The following MYOM1 variants were observed in gnomAD, a reference collection of about 807,000 sequenced individuals.
The protein encoded by MYOM1 is myomesin-1.
MYOM1 carries 164 observed loss-of-function variants against 205.3 expected under a neutral mutation model. The observed-to-expected ratio is 0.80, with a 90% CI of 0.70 to 0.91. The LOEUF (loss-of-function observed/expected upper bound fraction) is 0.91, where lower values mean the gene tolerates loss of function less well. Among genes scored for constraint, MYOM1 ranks in the 40% least tolerant of loss-of-function variants. The pLI, the probability that MYOM1 is intolerant of heterozygous loss-of-function variation, is 0.00. For synonymous variants in MYOM1, 772 were observed against 789.4 expected, an observed-to-expected ratio of 0.98 and a Z score of 0.37; for missense variants, 2,011 against 2,127.3, an observed-to-expected ratio of 0.95 and a Z score of 1.08.
chr18:3,227,124 A>G, the MYOM1 span, among the ~76,000 whole-genome samples: 1 of 152,120 alleles, frequency 6.6e-6, no homozygotes, highest in African/African-American at 2.4e-5. Flanking sequence ...CTATTCATAA[A>G]TAGATATCTG....
chr18:3,083,975 A>G lies in MYOM1; in HGVS notation c.4378+14T>C. On this transcript the variant is annotated intron_variant, in intron 32 of 37. Transcript: ENST00000356443. ...ATCATAAAGCATTGTTGTGGTGCGA[A>G]ATGTTTGACTCACCTATTTTTTTGC... 6.3e-7 allele frequency: 1 copy of G among 1,588,068 alleles called. No individual in the cohort carries two copies. The highest frequency in any genetic ancestry group is 8.6e-7 in the Non-Finnish European group (1 of 1,165,622).
Position 3,193,885 on chromosome 18 carries a change from T to C in MYOM1, c.364A>G (p.Ser122Gly). ...TCTTTCTCTTCTCCAGACAGTAGGC[T>C]GTGCTTGGCTCTCTTTGGTTTGGGG... ...LSPKPKRAKHSLLSGEEKENL... is the reference protein window; with the variant it reads ...LSPKPKRAKHGLLSGEEKENL... Residue 122 changes from serine (S) to glycine (G), a missense_variant, in exon 3 of 38, where the codon AGC (serine) becomes GGC (glycine). Physicochemically the swap from Ser to Gly is moderately conservative, Grantham distance 56. Coordinates refer to ENST00000356443, the MANE Select transcript of MYOM1 (RefSeq NM_003803.4). 2 of 1,613,978 alleles carry C rather than the reference T, an allele frequency of 1.2e-6. No individual in the cohort carries two copies. The highest frequency in any genetic ancestry group is 1.7e-6 in the Non-Finnish European group (2 of 1,179,854).
chr18:3,225,530 T>C, the MYOM1 span, among the ~76,000 whole-genome samples: 2 of 152,108 alleles, frequency 1.3e-5, no homozygotes, highest in Non-Finnish European at 2.9e-5. Flanking sequence ...CTGTTGAAGC[T>C]CCCAATACAG....
intron 37 of MYOM1, 55 bp downstream of exon 37, chr18:3,071,779 G>A: frequency 6.5e-7 from 1 of 1,537,336 alleles, no homozygotes; most frequent in South Asian, 1.2e-5. Context: ...AATCTGGGGT[G>A]CTGGAACCTG....
chr18:3,164,528 T>G (rs959503823), intron 9 of MYOM1, 89 bp from the exon 10 acceptor site: 2 of 1,247,446 alleles, frequency 1.6e-6, no homozygotes, highest in Non-Finnish European at 2.2e-6. Flanking sequence ...CTTAGCCTTT[T>G]CTATAATGAA....
chr18:3,207,898 A>G (rs1382750432), intron 2 of MYOM1, among the ~76,000 whole-genome samples: 1 of 152,188 alleles, frequency 6.6e-6, no homozygotes, highest in Admixed American at 6.5e-5. Flanking sequence ...TGCCATCTCA[A>G]CTTGATTTAG....
intron 20 of MYOM1, among the ~76,000 whole-genome samples, chr18:3,119,322 C>T (rs11081016): frequency 0.57 from 86,398 of 151,810 alleles, 24,707 homozygotes; most frequent in Middle Eastern, 0.7. Flanking sequence ...TAGACAGGTG[C>T]ACGAAATCCA....
Position 3,209,152 on chromosome 18 carries a change from A to G in MYOM1, c.290+5782T>C, listed in dbSNP as rs2081161876. ...GAGGGAATCTGGGAAAATGGGGAAC[A>G]AGTGAATGGTTTTACTATCATCATA... is the stretch of plus-strand genomic sequence containing the variant. On this transcript the variant is annotated intron_variant, in intron 2 of 37. Transcript: ENST00000356443. This position sits in a 1 kb window ranked among gnomAD's most constrained non-coding sequence, Gnocchi z 4.0. 6.6e-6 allele frequency among the ~76,000 whole-genome samples: 1 copy of G among 152,220 alleles called. No homozygotes were observed. The highest frequency in any genetic ancestry group is 6.5e-5 in the Admixed American group (1 of 15,276).
At chr18:3,160,983 C>T (rs1248867626) in intron 10 of MYOM1, among the ~76,000 whole-genome samples, 1 of 152,154 alleles carries the variant, frequency 6.6e-6, no homozygotes, top group Non-Finnish European at 1.5e-5. Flanking sequence ...AGGACCATAG[C>T]ATGACAAAGG....
intron 10 of MYOM1, among the ~76,000 whole-genome samples, chr18:3,163,822 CT>C (rs1336186423): frequency 1.7e-4 from 25 of 144,158 alleles, no homozygotes; most frequent in African/African-American, 2.4e-4. Flanking sequence ...TCTTTTCTTT[CT>C]TTTTTTTTTG....
chr18:3,190,952 C>T (rs940438423), intron 3 of MYOM1, among the ~76,000 whole-genome samples: 1 of 152,128 alleles, frequency 6.6e-6, no homozygotes, highest in Non-Finnish European at 1.5e-5. Context: ...CTTGCCTTTT[C>T]CATTTACAAA....
At chr18:3,238,162 G>C in the MYOM1 span, among the ~76,000 whole-genome samples, 2 of 152,184 alleles carry the variant, frequency 1.3e-5, no homozygotes, top group African/African-American at 4.8e-5. Context: ...CATCTCAGGG[G>C]TGATGGGAGA....
intron 22 of MYOM1, among the ~76,000 whole-genome samples, chr18:3,108,894 C>G (rs762948695): frequency 3.3e-5 from 5 of 152,048 alleles, no homozygotes; most frequent in Non-Finnish European, 7.4e-5. Flanking sequence ...CAGGTAGTGC[C>G]TTGTGGAGAT....
intron 4 of MYOM1, among the ~76,000 whole-genome samples, chr18:3,188,519 C>A (rs2080854353): frequency 2.0e-5 from 3 of 151,862 alleles, no homozygotes; most frequent in Admixed American, 2.0e-4. Flanking sequence ...ATCCCAGCTA[C>A]TTGGGAGGCT....
intron 5 of MYOM1, among the ~76,000 whole-genome samples, chr18:3,180,815 G>A (rs1025101959): frequency 1.3e-5 from 2 of 152,078 alleles, no homozygotes; most frequent in East Asian, 3.9e-4. Flanking sequence ...GTTGGGCCGA[G>A]TTTATAGTAT....
chr18:3,114,893 A>G (rs11661154), intron 21 of MYOM1, among the ~76,000 whole-genome samples: 132,450 of 151,826 alleles, frequency 0.87, 58,277 homozygotes, highest in East Asian at 0.97. Context: ...AATTCCCGTT[A>G]TTCTTTTTCT....
chr18:3,079,463 C>T, intron 33 of MYOM1, 121 bp from the exon 34 acceptor site: 1 of 1,100,784 alleles, frequency 9.1e-7, no homozygotes, highest in Non-Finnish European at 1.3e-6. Context: ...GAGGGATCTG[C>T]ATATGTTATT....
intron 3 of MYOM1, among the ~76,000 whole-genome samples, chr18:3,192,306 T>C (rs1374402579): frequency 6.6e-6 from 1 of 152,228 alleles, no homozygotes; most frequent in Non-Finnish European, 1.5e-5. Context: ...TGGGCATCCA[T>C]ACTTAGCAGT....
Position 3,082,821 on chromosome 18 carries a change from C to A in MYOM1, c.4484+968G>T, listed in dbSNP as rs114115095. On this transcript the variant is annotated intron_variant, in intron 33 of 37. Coordinates refer to ENST00000356443, the MANE Select transcript of MYOM1 (RefSeq NM_003803.4). ...TGAATAGAGTCCCTGTATAACTGCA[C>A]AGAGGTTCAAACTCACCTTCCCCAA... Among the ~76,000 whole-genome samples, 162 of 152,300 alleles carry A rather than the reference C, an allele frequency of 1.1e-3. 2 individuals are homozygous for A. Among genetic ancestry groups the A allele is most frequent in the African/African-American group, 3.7e-3 (153 of 41,568 alleles).
Sources: gnomAD v4.1 joint callset for allele counts (sites outside exome capture counted in the v4.1 genomes callset) on GRCh38, gnomAD v4.1.1 for gene constraint, Gnocchi (gnomAD v3.1) non-coding constraint, MANE v1.5 for transcripts, NCBI Gene and HGNC (gene_info 2026-07-23, HGNC 2026-07-21) for gene names.